The following SERPINB8 variants were observed in gnomAD, a reference collection of about 807,000 sequenced individuals.
SERPINB8 encodes serpin B8.
Under a neutral mutation model 35.3 loss-of-function variants are expected in SERPINB8, and 25 were observed. The ratio of observed to expected loss-of-function variants is 0.71; its 90% CI spans 0.52 to 0.99. The LOEUF (loss-of-function observed/expected upper bound fraction) is 0.99, where lower values mean the gene tolerates loss of function less well. Ranked by LOEUF, SERPINB8 falls within the 50% of genes least tolerant of loss-of-function variation. The pLI, the probability that SERPINB8 is intolerant of heterozygous loss-of-function variation, is 0.00. For missense variants in SERPINB8, 484 were observed against 446.5 expected (o/e 1.08, Z -0.76); for synonymous variants, 186 against 160.8 (o/e 1.16, Z -1.19).
chr18:63,975,216 T>C (rs1246268861), intron 1 of SERPINB8, among the ~76,000 whole-genome samples: 1 of 152,092 alleles, frequency 6.6e-6, no homozygotes, highest in East Asian at 1.9e-4. Context: ...CCAAATTTAT[T>C]TGTGTCTCTG....
chr18:64,004,397 G>A (rs1159363980), intron 1 of SERPINB8, among the ~76,000 whole-genome samples: 1 of 152,100 alleles, frequency 6.6e-6, no homozygotes. Flanking sequence ...GAGGAAAAAA[G>A]CCCTAGAGAA....
chr18:63,985,946 G>T (rs2050746735), intron 6 of SERPINB8, among the ~76,000 whole-genome samples: 1 of 152,134 alleles, frequency 6.6e-6, no homozygotes, highest in Non-Finnish European at 1.5e-5. Flanking sequence ...TCCCACCATG[G>T]CCGACTTTAG....
chr18:64,013,600 A>G (rs1032165568), intron 7 of SERPINB8, among the ~76,000 whole-genome samples: 5 of 152,192 alleles, frequency 3.3e-5, no homozygotes, highest in African/African-American at 1.2e-4. Context: ...AGCAAAAGAG[A>G]TGCAAAACAA....
chr18:63,997,318 TTAAGAGTATTC>T (rs1568283118), intron 1 of SERPINB8, among the ~76,000 whole-genome samples: 1 of 152,204 alleles, frequency 6.6e-6, no homozygotes, highest in Non-Finnish European at 1.5e-5. Context: ...TGGGTGTGGC[TTAAGAGTATTC>T]TCTAGTGAAT....
chr18:63,998,694 C>A (rs1019651121), intron 1 of SERPINB8, among the ~76,000 whole-genome samples: 3 of 152,148 alleles, frequency 2.0e-5, no homozygotes, highest in Admixed American at 2.0e-4. Flanking sequence ...TCCCTCCATC[C>A]TTTTTGAGCC....
intron 7 of SERPINB8, among the ~76,000 whole-genome samples, chr18:64,011,300 A>G (rs1270597006): frequency 1.3e-5 from 2 of 152,116 alleles, no homozygotes; most frequent in African/African-American, 2.4e-5. Flanking sequence ...GTGTCAAGCT[A>G]TTAATATAAA....
intron 7 of SERPINB8, among the ~76,000 whole-genome samples, chr18:64,013,346 C>A (rs560754787): frequency 6.6e-6 from 1 of 152,160 alleles, no homozygotes. Flanking sequence ...AACCCAAAAC[C>A]TTCCAGCTAC....
chr18:64,014,188 G>A (rs1409995306), intron 7 of SERPINB8, among the ~76,000 whole-genome samples: 2 of 152,176 alleles, frequency 1.3e-5, no homozygotes, highest in African/African-American at 2.4e-5. Flanking sequence ...TGCAGAAAAG[G>A]AAATTGTTAG....
At chr18:63,978,041 C>T (rs149351261) in intron 1 of SERPINB8, among the ~76,000 whole-genome samples, 193 of 152,276 alleles carry the variant, frequency 1.3e-3, no homozygotes, top group African/African-American at 4.2e-3. Flanking sequence ...CTTTTAAGGA[C>T]GCTCGTGATT....
chr18:64,007,303 A>T (rs1599169277), downstream of SERPINB8, among the ~76,000 whole-genome samples: 1 of 152,176 alleles, frequency 6.6e-6, no homozygotes, highest in African/African-American at 2.4e-5. Flanking sequence ...GAATGAGCCT[A>T]TAAACATTTA....
Position 63,985,002 on chromosome 18 carries a change from T to C in SERPINB8, c.568-91T>C, listed in dbSNP as rs73961858. On this transcript the variant is annotated intron_variant, in intron 5 of 6. Transcript: ENST00000397985. ...CATAAATGTGCAGAAACAGTAATTA[T>C]ACACACCTAGAGTTTCTGTGAGTTA... 1,965 of 1,279,030 alleles carry C rather than the reference T, an allele frequency of 1.5e-3. 20 individuals carry two copies. In the African/African-American group the frequency reaches 0.026, roughly 17 times the overall value. 79.2% of individuals were successfully genotyped at this position (1,279,030 alleles called of 1,614,324 possible).
intron 1 of SERPINB8, among the ~76,000 whole-genome samples, chr18:63,971,117 A>T (rs1001147763): frequency 1.3e-5 from 2 of 152,022 alleles, no homozygotes; most frequent in African/African-American, 4.8e-5. Flanking sequence ...TCGTCTCCCC[A>T]GTTCTCCCAG....
chr18:64,004,873 A>T, exon 2 of SERPINB8: 1 of 398,514 alleles, frequency 2.5e-6, no homozygotes, highest in Non-Finnish European at 4.4e-6. Context: ...CATTATCAGC[A>T]CCTGAGTGTA....
At chr18:64,008,669 A>G (rs1393837705), downstream of SERPINB8, among the ~76,000 whole-genome samples, 1 of 152,154 alleles carries the variant, frequency 6.6e-6, no homozygotes, top group Non-Finnish European at 1.5e-5. Context: ...ACTGCATCAC[A>G]AATAATAGAG....
chr18:64,004,836 A>G (rs1348442137), exon 2 of SERPINB8: 1 of 398,474 alleles, frequency 2.5e-6, no homozygotes, highest in African/African-American at 2.1e-5. Flanking sequence ...TGAGAAGCAC[A>G]AGCTTCTTCT....
intron 4 of SERPINB8, 23 bp from the exon 5 acceptor site, chr18:63,983,556 A>G (rs879725692): frequency 1.7e-5 from 28 of 1,609,736 alleles, no homozygotes; most frequent in Admixed American, 5.0e-5. Flanking sequence ...ACAAATTGCA[A>G]TAAACTCTCA....
At chr18:63,973,308 C>T (rs1053414313) in intron 1 of SERPINB8, among the ~76,000 whole-genome samples, 11 of 152,202 alleles carry the variant, frequency 7.2e-5, no homozygotes, top group Non-Finnish European at 1.2e-4. Flanking sequence ...AGTGTCTGTT[C>T]ATATCCATTG....
intron 6 of SERPINB8, 46 bp from the exon 7 acceptor site, chr18:63,986,828 G>A: frequency 6.5e-7 from 1 of 1,539,158 alleles, no homozygotes; most frequent in Non-Finnish European, 8.8e-7. Context: ...GTGGGTATCA[G>A]GCTATTGTCA....
intron 7 of SERPINB8, among the ~76,000 whole-genome samples, chr18:64,012,708 A>G (rs1408566732): frequency 6.6e-6 from 1 of 151,994 alleles, no homozygotes; most frequent in African/African-American, 2.4e-5. Flanking sequence ...TGGTTCTTGC[A>G]TTGCAAACTA....
Sources: gnomAD v4.1 joint callset for allele counts (sites outside exome capture counted in the v4.1 genomes callset) on GRCh38, gnomAD v4.1.1 for gene constraint, MANE v1.5 for transcripts, NCBI Gene and HGNC (gene_info 2026-07-23, HGNC 2026-07-21) for gene names.